PRKG1: variants seen among roughly 807,000 people sequenced by gnomAD.
The protein encoded by PRKG1 is protein kinase cGMP-dependent 1, also known as cGMP-dependent protein kinase 1.
A neutral mutation model predicts 88.1 loss-of-function variants in PRKG1; 35 were observed. The ratio of observed to expected loss-of-function variants is 0.40; its 90% confidence interval spans 0.30 to 0.53. PRKG1 has a LOEUF of 0.53. PRKG1 is among the 20% of genes least tolerant of loss of function. The probability of loss-of-function intolerance (pLI) is 0.59; values close to 1 mark genes in which losing one functional copy is unlikely to be tolerated. For synonymous variants in PRKG1, 303 were observed against 292.5 expected (o/e 1.04, Z -0.37); for missense variants, 540 against 839.8 (o/e 0.64, Z 4.41).
At chr10:51,351,554 C>A (rs919469239) in intron 2 of PRKG1, among the ~76,000 whole-genome samples, 2 of 151,870 alleles carry the variant, frequency 1.3e-5, no homozygotes, top group Non-Finnish European at 2.9e-5. Context: ...TAAATGTCTT[C>A]TTTTGAGAAG....
chr10:51,926,750 G>GTTT lies in PRKG1; in HGVS notation c.762+19194_762+19196dup, dbSNP rs11324214. Among the ~76,000 whole-genome samples, 1,177 of 141,292 alleles carry GTTT rather than the reference G, an allele frequency of 8.3e-3. 12 individuals are homozygous for GTTT. Among genetic ancestry groups the GTTT allele is most frequent in the Non-Finnish European group, 0.012 (780 of 65,412 alleles). 92.7% of individuals were successfully genotyped at this position (141,292 alleles called of 152,430 possible). ...CTCTGAAAATTTCTTGCCTAGCATA[G>GTTT]TTTTTTTTTTTTTTTTAACTGAATA... is the stretch of plus-strand genomic sequence containing the variant. On this transcript the variant is annotated intron_variant, in intron 5 of 17. Coordinates refer to ENST00000373980, the MANE Select transcript of PRKG1 (RefSeq NM_006258.4).
intron 2 of PRKG1, among the ~76,000 whole-genome samples, chr10:51,166,898 A>C (rs1482291866): frequency 6.6e-6 from 1 of 152,216 alleles, no homozygotes; most frequent in Non-Finnish European, 1.5e-5. Context: ...AGATAATAGC[A>C]AAGAAAGTAT....
chr10:51,873,622 G>A (rs1335965969), intron 4 of PRKG1, among the ~76,000 whole-genome samples: 1 of 151,440 alleles, frequency 6.6e-6, no homozygotes, highest in Admixed American at 6.6e-5. Context: ...CTGCCTCCCG[G>A]GTTTAAGCAA....
In PRKG1 at chr10:51,604,609, G is replaced by A. The variant is rs571018808; in HGVS notation, c.592+136773G>A. Reference sequence around the variant, plus strand: ...GTGTGAGGAGAACCTTATCCAAAACGATTTCACAGAAAAGAGCATTTGTTT... The same window carrying A: ...GTGTGAGGAGAACCTTATCCAAAACAATTTCACAGAAAAGAGCATTTGTTT... On this transcript the variant is annotated intron_variant, in intron 3 of 17. Transcript: ENST00000373980. Among the ~76,000 whole-genome samples the A allele has an allele frequency of 8.1e-4, 123 of 152,304 alleles. 4 individuals carry two copies. Among genetic ancestry groups the A allele is most frequent in the Admixed American group, 7.1e-3 (109 of 15,306 alleles).
At chr10:52,220,246 T>A (rs182531320) in intron 9 of PRKG1, among the ~76,000 whole-genome samples, 1 of 152,104 alleles carries the variant, frequency 6.6e-6, no homozygotes, top group Non-Finnish European at 1.5e-5. Flanking sequence ...GGAAAGCCAG[T>A]CACCCTATCA....
At chr10:51,085,284 G>A (rs976266316) in intron 1 of PRKG1, among the ~76,000 whole-genome samples, 1 of 152,190 alleles carries the variant, frequency 6.6e-6, no homozygotes, top group Admixed American at 6.5e-5. Context: ...GCGAGTAAGA[G>A]AAGATAGCCT....
At chr10:51,805,990 G>T (rs1048945336) in intron 4 of PRKG1, among the ~76,000 whole-genome samples, 1 of 152,032 alleles carries the variant, frequency 6.6e-6, no homozygotes, top group Non-Finnish European at 1.5e-5. Context: ...AAATTATTCA[G>T]GTGCCTTCTA....
intron 3 of PRKG1, among the ~76,000 whole-genome samples, chr10:51,544,907 T>C (rs1489112931): frequency 6.6e-6 from 1 of 151,914 alleles, no homozygotes; most frequent in Non-Finnish European, 1.5e-5. Flanking sequence ...AGAAGACATT[T>C]ATGCAGCCAA....
At chr10:51,570,185 CTG>C (rs1218817672) in intron 3 of PRKG1, among the ~76,000 whole-genome samples, 39 of 151,318 alleles carry the variant, frequency 2.6e-4, no homozygotes, top group African/African-American at 9.5e-4. Context: ...GGAGTTGGAT[CTG>C]TCCCCCCGCA....
At chr10:51,015,290 A>G (rs1340844968) in intron 1 of PRKG1, among the ~76,000 whole-genome samples, 1 of 152,238 alleles carries the variant, frequency 6.6e-6, no homozygotes, top group Admixed American at 6.5e-5. Flanking sequence ...TGCCCACTAT[A>G]TCTCCAACAA....
intron 5 of PRKG1, among the ~76,000 whole-genome samples, chr10:51,980,125 A>G (rs1843968927): frequency 6.6e-6 from 1 of 152,092 alleles, no homozygotes; most frequent in African/African-American, 2.4e-5. Flanking sequence ...TTAGTGCTAT[A>G]ATTTTCTTCT....
At chr10:52,045,722 A>C (rs1256671753) in intron 5 of PRKG1, among the ~76,000 whole-genome samples, 1 of 151,922 alleles carries the variant, frequency 6.6e-6, no homozygotes, top group East Asian at 1.9e-4. Context: ...AAAAAAAAAC[A>C]ATTTTTTGTC....
intron 2 of PRKG1, among the ~76,000 whole-genome samples, chr10:51,250,987 G>T (rs1383307824): frequency 2.0e-5 from 3 of 151,744 alleles, no homozygotes; most frequent in Admixed American, 1.3e-4. Context: ...TTATGTTATT[G>T]TGTATTGCCT....
intron 3 of PRKG1, among the ~76,000 whole-genome samples, chr10:51,555,293 C>G (rs919338667): frequency 1.3e-5 from 2 of 151,890 alleles, no homozygotes; most frequent in African/African-American, 4.8e-5. Context: ...AATCCTGCAA[C>G]AACACATTCC....
At position 51,339,901 on chromosome 10, in the gene PRKG1, C is replaced by T. The variant is rs889338684; in HGVS notation, c.479-127822C>T. 2.0e-5 allele frequency among the ~76,000 whole-genome samples: 3 copies of T among 151,970 alleles called. No individual in the cohort carries two copies. The South Asian group carries it at 6.2e-4, about 32-fold the overall frequency. On this transcript the variant is annotated intron_variant, in intron 2 of 17. Coordinates refer to ENST00000373980, the MANE Select transcript of PRKG1 (RefSeq NM_006258.4). ...AATCTCTGGTCATCTCTGATTATTT[C>T]CTACAGATAAATTCCTAGAAGACTT...
intron 9 of PRKG1, among the ~76,000 whole-genome samples, chr10:52,166,839 G>GTATATATATATGTATCTATATGTATA (rs375678645): frequency 1.1e-5 from 1 of 90,484 alleles, no homozygotes; most frequent in Non-Finnish European, 2.0e-5. Flanking sequence ...GTATATATAT[G>GTATATATATATGTATCTATATGTATA]TATATATATG....
intron 5 of PRKG1, among the ~76,000 whole-genome samples, chr10:52,034,886 C>G (rs577235326): frequency 6.6e-6 from 1 of 152,168 alleles, no homozygotes; most frequent in African/African-American, 2.4e-5. Context: ...CTGCAGCATT[C>G]CGAGGACAGG....
At chr10:51,835,062 C>A (rs897806546) in intron 4 of PRKG1, among the ~76,000 whole-genome samples, 1 of 152,144 alleles carries the variant, frequency 6.6e-6, no homozygotes, top group Non-Finnish European at 1.5e-5. Context: ...ACATGAGAAA[C>A]TCCAAGTGTC....
intron 4 of PRKG1, among the ~76,000 whole-genome samples, chr10:51,809,328 T>C (rs1839391211): frequency 6.6e-6 from 1 of 151,862 alleles, no homozygotes; most frequent in South Asian, 2.1e-4. Context: ...CTACTAAGCA[T>C]GGCATAATTG....
Sources: allele counts gnomAD v4.1 joint callset (sites outside exome capture counted in the v4.1 genomes callset), GRCh38; gene constraint gnomAD v4.1.1; transcripts MANE v1.5; gene names NCBI Gene and HGNC (gene_info 2026-07-23, HGNC 2026-07-21).